Variants in DNAJC17 observed in about 807,000 individuals in gnomAD.
The protein encoded by DNAJC17 is DnaJ heat shock protein family (Hsp40) member C17.
DNAJC17 carries 35 observed loss-of-function variants against 48.1 expected under a neutral mutation model. The observed-to-expected ratio is 0.73, with a 90% CI of 0.56 to 0.96. DNAJC17 has a LOEUF of 0.96. Among genes scored for constraint, DNAJC17 ranks in the 50% least tolerant of loss-of-function variants. The probability of loss-of-function intolerance (pLI) is 0.00; values close to 1 mark genes in which losing one functional copy is unlikely to be tolerated. For missense variants in DNAJC17, 355 were observed against 377.1 expected (o/e 0.94, Z 0.48); for synonymous variants, 117 against 142.7 (o/e 0.82, Z 1.28).
chr15:40,769,038 C>T lies in DNAJC17; in HGVS notation c.793-976G>A, dbSNP rs1173645911. ...AGTGACCCGGGGAATAGGAAGGGAG[C>T]AGCTAGGGTTGAGATGCCAGGCCCT... On this transcript the variant is annotated intron_variant, in intron 10 of 10. Transcript: ENST00000220496. This position sits in a 1 kb window ranked among gnomAD's most constrained non-coding sequence, Gnocchi z 4.2. Among the ~76,000 whole-genome samples the T allele has an allele frequency of 6.6e-6, 1 of 152,244 alleles. No homozygotes were observed. Among genetic ancestry groups the T allele is most frequent in the African/African-American group, 2.4e-5 (1 of 41,466 alleles).
At chr15:40,794,332 A>G (rs959996389) in intron 1 of DNAJC17, among the ~76,000 whole-genome samples, 19 of 151,952 alleles carry the variant, frequency 1.3e-4, no homozygotes, top group African/African-American at 4.4e-4. Context: ...CCTGGGGGAT[A>G]GAATGAGACT....
At chr15:40,804,623 T>A (rs543641251) in intron 1 of DNAJC17, among the ~76,000 whole-genome samples, 23 of 151,768 alleles carry the variant, frequency 1.5e-4, no homozygotes, top group East Asian at 5.8e-4. Context: ...AAAAAAAAAA[T>A]AAAATCTGAT....
intron 4 of DNAJC17, among the ~76,000 whole-genome samples, chr15:40,778,012 T>C (rs1180379768): frequency 6.6e-6 from 1 of 151,674 alleles, no homozygotes; most frequent in African/African-American, 2.4e-5. Flanking sequence ...AAAGTCTGGG[T>C]AGGAATTGGG....
intron 1 of DNAJC17, chr15:40,780,510 G>A (rs912200253): frequency 1.6e-5 from 6 of 368,476 alleles, no homozygotes; most frequent in African/African-American, 1.3e-4. Context: ...TCAACGGGGA[G>A]ACTCATTTAA....
At chr15:40,790,063 T>G (rs1465291553) in intron 1 of DNAJC17, among the ~76,000 whole-genome samples, 2 of 152,042 alleles carry the variant, frequency 1.3e-5, no homozygotes, top group Non-Finnish European at 2.9e-5. Context: ...ATGGAAACTG[T>G]GCTATGGTAG....
At chr15:40,793,408 C>T (rs1347312303) in intron 1 of DNAJC17, among the ~76,000 whole-genome samples, 1 of 152,140 alleles carries the variant, frequency 6.6e-6, no homozygotes, top group Non-Finnish European at 1.5e-5. Flanking sequence ...AGCTCTAAGT[C>T]CTACCATGCT....
rs992366507 is a variant in DNAJC17, at chr15:40,770,432, C to T, written c.793-2370G>A. ...TCCCCAGCTGCTGGCACTCACTGCCCCAGCAGGGACCACATGCACCCTGGC... is the reference window on the plus strand; with the variant it reads ...TCCCCAGCTGCTGGCACTCACTGCCTCAGCAGGGACCACATGCACCCTGGC... On this transcript the variant is annotated intron_variant, in intron 10 of 10. Transcript: ENST00000220496. This position sits in a 1 kb window ranked among gnomAD's most constrained non-coding sequence, Gnocchi z 5.0. 3 of 1,475,284 alleles carry T rather than the reference C, an allele frequency of 2.0e-6. No homozygotes were observed. Among genetic ancestry groups the T allele is most frequent in the Non-Finnish European group, 2.7e-6 (3 of 1,106,252 alleles). 91.4% of individuals were successfully genotyped at this position (1,475,284 alleles called of 1,614,324 possible).
chr15:40,788,896 TC>T (rs1441565201), intron 1 of DNAJC17, among the ~76,000 whole-genome samples: 2 of 152,088 alleles, frequency 1.3e-5, no homozygotes, highest in Non-Finnish European at 2.9e-5. Context: ...AAAGAGAAGT[TC>T]CCTGTGCCTG....
In DNAJC17 at chr15:40,769,168, C is replaced by CA. The variant is rs1889047072; in HGVS notation, c.793-1107dup. On this transcript the variant is annotated intron_variant, in intron 10 of 10. Coordinates refer to ENST00000220496, the MANE Select transcript of DNAJC17 (RefSeq NM_018163.3). The surrounding 1 kb of genome is among the most constrained non-coding windows in gnomAD (Gnocchi z 4.2). ...TGCACCCCTCCCCTCTCCCCGGCTG[C>CA]AGCAGTCCCAGCTAGGCCGGACTGC... Among the ~76,000 whole-genome samples the CA allele has an allele frequency of 6.6e-6, 1 of 152,186 alleles. No individual in the cohort carries two copies. Among genetic ancestry groups the CA allele is most frequent in the African/African-American group, 2.4e-5 (1 of 41,446 alleles).
At chr15:40,794,171 G>A (rs903754462) in intron 1 of DNAJC17, among the ~76,000 whole-genome samples, 1 of 151,964 alleles carries the variant, frequency 6.6e-6, no homozygotes, top group African/African-American at 2.4e-5. Flanking sequence ...CCAATATGGT[G>A]AAATCCCATC....
intron 1 of DNAJC17, among the ~76,000 whole-genome samples, chr15:40,782,117 A>G (rs1889517039): frequency 6.6e-6 from 1 of 152,026 alleles, no homozygotes; most frequent in Non-Finnish European, 1.5e-5. Flanking sequence ...CCCCCTACTC[A>G]GGAGGCTGAG....
In DNAJC17 at chr15:40,807,432, C is replaced by T. The variant is rs1464759761; in HGVS notation, c.15G>A (p.Lys5=). 1.2e-5 allele frequency: 20 copies of T among 1,614,258 alleles called. No homozygotes were observed. The highest frequency in any genetic ancestry group is 1.6e-4 in the Middle Eastern group (1 of 6,062). ...CGTACAGGTCCATCTGTAAGAGCTC[C>T]TTGGTCACTGCCATGGTTCCGGCCT... MAVT[K]ELLQMDLYAL... is the part of the protein sequence containing the mutation. The change falls in exon 1 of 11, where the codon AAG becomes AAA. Residue 5 remains lysine (K), a synonymous_variant. Transcript: ENST00000220496.
chr15:40,789,385 C>T (rs570995714), intron 1 of DNAJC17, among the ~76,000 whole-genome samples: 3 of 151,710 alleles, frequency 2.0e-5, no homozygotes, highest in South Asian at 2.1e-4. Context: ...CTGCTCTCCT[C>T]GGTCCACTTC....
At chr15:40,772,876 G>A (rs1889193021) in intron 10 of DNAJC17, among the ~76,000 whole-genome samples, 1 of 152,198 alleles carries the variant, frequency 6.6e-6, no homozygotes, top group East Asian at 1.9e-4. Flanking sequence ...CACACAAGCT[G>A]GAAGGTCTAC....
chr15:40,807,147 C>G, intron 1 of DNAJC17: 1 of 1,157,878 alleles, frequency 8.6e-7, no homozygotes, highest in Non-Finnish European at 1.2e-6. Flanking sequence ...GAGAGCACAG[C>G]CACCCGGCGC....
chr15:40,800,932 T>C (rs1890059593), intron 1 of DNAJC17, among the ~76,000 whole-genome samples: 2 of 144,788 alleles, frequency 1.4e-5, no homozygotes, highest in Admixed American at 1.4e-4. Context: ...TGCTCCAGCC[T>C]GGGCGACAGC....
intron 8 of DNAJC17, 31 bp downstream of exon 8, chr15:40,775,000 A>AG: frequency 6.2e-7 from 1 of 1,612,370 alleles, no homozygotes; most frequent in Non-Finnish European, 8.5e-7. Flanking sequence ...GACTGAGATG[A>AG]TAGGAAAGAG....
rs1335704121 is a variant in DNAJC17 at position 40,779,802 on chromosome 15, C to T, written c.148+126G>A. 5.8e-6 allele frequency: 7 copies of T among 1,204,578 alleles called. No individual in the cohort carries two copies. In the African/African-American group the frequency reaches 1.1e-4, roughly 18 times the overall value. 74.6% of individuals were successfully genotyped at this position (1,204,578 alleles called of 1,614,324 possible). A position where few individuals can be genotyped will look rare whatever the true frequency, so the allele number is the denominator to read the frequency against. ...CCCTCACAGGAGGGAAGCCCTGGGA[C>T]CCATTGCCTGGAGCCAGGCAATGTG... is the stretch of plus-strand genomic sequence containing the variant. On this transcript the variant is annotated intron_variant, in intron 2 of 10. Transcript: ENST00000220496.
At chr15:40,783,289 A>G (rs1430546539) in intron 1 of DNAJC17, among the ~76,000 whole-genome samples, 1 of 152,086 alleles carries the variant, frequency 6.6e-6, no homozygotes, top group Non-Finnish European at 1.5e-5. Context: ...TCTGACATCA[A>G]GGTTCATTAA....
Sources: allele counts gnomAD v4.1 joint callset (sites outside exome capture counted in the v4.1 genomes callset), GRCh38; gene constraint gnomAD v4.1.1; non-coding constraint Gnocchi (gnomAD v3.1); transcripts MANE v1.5; gene names NCBI Gene and HGNC (gene_info 2026-07-23, HGNC 2026-07-21).